TBXAS1: variants seen among roughly 807,000 people sequenced by gnomAD.
TBXAS1 encodes the protein thromboxane A synthase 1, also known as thromboxane-A synthase.
TBXAS1 carries 48 observed loss-of-function variants against 60.7 expected under a neutral mutation model. The observed-to-expected ratio is 0.79, with a 90% confidence interval of 0.63 to 1.01. The LOEUF (loss-of-function observed/expected upper bound fraction) is 1.01. Ranked by LOEUF, TBXAS1 falls within the 50% of genes least tolerant of loss-of-function variation. The pLI, the probability that TBXAS1 is intolerant of heterozygous loss-of-function variation, is 0.00. For synonymous variants in TBXAS1, 287 were observed against 269.7 expected (o/e 1.06, Z -0.63); for missense variants, 685 against 686.3 (o/e 1.00, Z 0.02).
chr7:139,801,669 A>G lies in TBXAS1; in HGVS notation c.-80+14243A>G, dbSNP rs189811059. 4.6e-5 allele frequency among the ~76,000 whole-genome samples: 7 copies of G among 152,090 alleles called. 1 individual carries two copies. The highest frequency in any genetic ancestry group is 3.4e-3 in the Middle Eastern group (1 of 294). ...CCTTTTCTTTTGCATTACAGAATAC[A>G]GTCCTATGCTTAGCTTTCTTTTCAC... On this transcript the variant is annotated intron_variant, in intron 4 of 16. Transcript: ENST00000336425.
chr7:139,824,737 A>G (rs1418713204), upstream of TBXAS1, among the ~76,000 whole-genome samples: 2 of 152,110 alleles, frequency 1.3e-5, no homozygotes, highest in African/African-American at 4.8e-5. Context: ...ATTTGTGACC[A>G]GAGTTTGTCA....
At position 139,973,220 on chromosome 7, in the gene TBXAS1, C is replaced by T. The variant is rs145585413; in HGVS notation, c.1134+10987C>T. 2.5e-3 allele frequency among the ~76,000 whole-genome samples: 378 copies of T among 152,294 alleles called. 3 individuals carry two copies. Among genetic ancestry groups the T allele is most frequent in the African/African-American group, 8.5e-3 (352 of 41,540 alleles). On this transcript the variant is annotated intron_variant, in intron 9 of 12. Transcript: ENST00000448866. ...GACAGATATCTGAAAGATCATGAGG[C>T]TGGGCTTGAATCCTGCTGACAACAA...
chr7:139,823,443 C>CTAAAAGGATCA (rs1437595635), intron 4 of TBXAS1, among the ~76,000 whole-genome samples: 37 of 152,142 alleles, frequency 2.4e-4, no homozygotes, highest in East Asian at 2.3e-3. Context: ...AACAGAGTCC[C>CTAAAAGGATCA]TAAAAGGATC....
intron 3 of TBXAS1, among the ~76,000 whole-genome samples, chr7:139,785,253 T>G (rs2117230311): frequency 6.6e-6 from 1 of 152,224 alleles, no homozygotes; most frequent in South Asian, 2.1e-4. Context: ...GTTCCCTTTC[T>G]GCTTGTTCTC....
At chr7:139,877,153 C>T (rs530754615) in intron 3 of TBXAS1, among the ~76,000 whole-genome samples, 2 of 152,324 alleles carry the variant, frequency 1.3e-5, no homozygotes, top group South Asian at 4.1e-4. Context: ...ACACCTGGCC[C>T]AGCCTGACAT....
At chr7:139,787,746 C>T (rs1000354289) in intron 4 of TBXAS1, among the ~76,000 whole-genome samples, 1 of 152,236 alleles carries the variant, frequency 6.6e-6, no homozygotes, top group Admixed American at 6.5e-5. Context: ...TCCTCTACTG[C>T]ACCCCATTTT....
Position 139,957,653 on chromosome 7 carries a change from G to A in TBXAS1, c.708G>A (p.Met236Ile). 1 of 1,613,988 alleles carries A rather than the reference G, an allele frequency of 6.2e-7. No homozygotes were observed. The highest frequency in any genetic ancestry group is 8.5e-7 in the Non-Finnish European group (1 of 1,179,996). The change falls in exon 8 of 13, where the codon ATG becomes ATA. Residue 236 changes from methionine to isoleucine, a missense_variant. Coordinates refer to ENST00000448866, the MANE Select transcript of TBXAS1 (RefSeq NM_001061.7). ...TTCAAGTATCATTTCCATCCATAAT[G>A]GTCCCACTGGCCCGGATTTTGCCCA... ...LVLLLSFPSI[M>I]VPLARILPNK... is the part of the protein sequence containing the mutation.
intron 10 of TBXAS1, among the ~76,000 whole-genome samples, chr7:140,014,328 G>A (rs1437286743): frequency 6.6e-6 from 1 of 152,212 alleles, no homozygotes; most frequent in Non-Finnish European, 1.5e-5. Context: ...ACCTGCTGCT[G>A]CTCAGGCCGA....
intron 5 of TBXAS1, among the ~76,000 whole-genome samples, chr7:139,944,721 CGT>C (rs1229754516): frequency 1.3e-5 from 2 of 152,082 alleles, no homozygotes; most frequent in Non-Finnish European, 2.9e-5. Context: ...AGTCCCTCTT[CGT>C]GTGTGGATCA....
At chr7:139,952,338 G>A (rs540103810) in intron 5 of TBXAS1, among the ~76,000 whole-genome samples, 1 of 152,292 alleles carries the variant, frequency 6.6e-6, no homozygotes, top group East Asian at 1.9e-4. Flanking sequence ...GCTGTTCTAG[G>A]TGCTGGGTTT....
At chr7:139,828,500 C>T (rs913029394), upstream of TBXAS1, among the ~76,000 whole-genome samples, 1 of 152,174 alleles carries the variant, frequency 6.6e-6, no homozygotes, top group Non-Finnish European at 1.5e-5. Flanking sequence ...TTCAGAGAGT[C>T]TGTGGGTCCT....
chr7:139,781,858 AAAG>A, intron 2 of TBXAS1, among the ~76,000 whole-genome samples: 1 of 151,414 alleles, frequency 6.6e-6, no homozygotes, highest in African/African-American at 2.4e-5. Context: ...AAAAAAAAAA[AAAG>A]GCAGAAAGGC....
At chr7:139,810,961 T>C (rs1007698355) in intron 4 of TBXAS1, among the ~76,000 whole-genome samples, 1 of 152,264 alleles carries the variant, frequency 6.6e-6, no homozygotes, top group South Asian at 2.1e-4. Flanking sequence ...GTAGGAATTA[T>C]ATGTTTCTGA....
intron 9 of TBXAS1, among the ~76,000 whole-genome samples, chr7:140,000,825 TAGAG>T (rs1435034943): frequency 5.9e-5 from 9 of 152,216 alleles, no homozygotes; most frequent in African/African-American, 1.7e-4. Context: ...CCTAGTTCAA[TAGAG>T]AGAGCAGAGC....
rs1484905801 is a variant in TBXAS1 at position 139,875,980 on chromosome 7, C to T, written c.236+343C>T. ...CTCTTTGCCTCAGAGCACAAACTGT[C>T]CAACTTGCCTTGACAGTGCACAGCA... On this transcript the variant is annotated intron_variant, in intron 3 of 12. Transcript: ENST00000448866. 7.9e-6 allele frequency: 3 copies of T among 380,750 alleles called. No individual in the cohort carries two copies. The East Asian group carries it at 1.8e-4, about 22-fold the overall frequency. The allele number at this position is 380,750 out of a possible 1,614,324, so 23.6% of individuals were successfully genotyped here.
In TBXAS1 at chr7:139,882,584, A is replaced by G. The variant is rs559544721; in HGVS notation, c.236+6947A>G. On this transcript the variant is annotated intron_variant, in intron 3 of 12. Coordinates refer to ENST00000448866, the MANE Select transcript of TBXAS1 (RefSeq NM_001061.7). ...CATTTACTAAATGTTTGACCCAAAA[A>G]TGTGGCTCAATTCTAAGAGGAATTG... Among the ~76,000 whole-genome samples the G allele has an allele frequency of 5.3e-5, 8 of 152,346 alleles. No homozygotes were observed. The East Asian group carries it at 1.5e-3, about 29-fold the overall frequency.
At chr7:139,988,464 T>C (rs115547088) in intron 9 of TBXAS1, among the ~76,000 whole-genome samples, 2,920 of 152,302 alleles carry the variant, frequency 0.019, 89 homozygotes, top group African/African-American at 0.067. Flanking sequence ...TGAAGCTCCT[T>C]GGCCTACCAG....
intron 3 of TBXAS1, among the ~76,000 whole-genome samples, chr7:139,887,962 G>C (rs1484560608): frequency 2.6e-5 from 4 of 152,124 alleles, no homozygotes; most frequent in Non-Finnish European, 5.9e-5. Context: ...TTCAAACCTT[G>C]AGAGTGAGCT....
intron 9 of TBXAS1, among the ~76,000 whole-genome samples, chr7:140,002,301 C>A (rs1175476279): frequency 6.6e-6 from 1 of 152,228 alleles, no homozygotes; most frequent in African/African-American, 2.4e-5. Flanking sequence ...CGCTGAGGAA[C>A]TGCTGAATGA....
Sources: gnomAD v4.1 joint callset for allele counts (sites outside exome capture counted in the v4.1 genomes callset) on GRCh38, gnomAD v4.1.1 for gene constraint, MANE v1.5 for transcripts, NCBI Gene and HGNC (gene_info 2026-07-23, HGNC 2026-07-21) for gene names.